FUBP3: variants seen among roughly 807,000 people sequenced by gnomAD.
FUBP3 encodes the protein far upstream element binding protein 3.
In FUBP3, 28 loss-of-function variants were observed where a neutral mutation model predicts 85.6. That is an observed-to-expected ratio of 0.33 (90% CI 0.24 to 0.45). The LOEUF (loss-of-function observed/expected upper bound fraction) is 0.45. Among genes scored for constraint, FUBP3 ranks in the 20% least tolerant of loss-of-function variants. The pLI is 1.00. For missense variants in FUBP3, 583 were observed against 755.1 expected, an observed-to-expected ratio of 0.77 and a Z score of 2.67; for synonymous variants, 271 against 271.4, an observed-to-expected ratio of 1.00 and a Z score of 0.01.
At chr9:130,617,972 C>T in intron 8 of FUBP3, 77 bp downstream of exon 8, 1 of 660,282 alleles carries the variant, frequency 1.5e-6, no homozygotes, top group Non-Finnish European at 2.7e-6. Context: ...CTTTTATCTT[C>T]CTCAAGTAAT....
chr9:130,593,367 C>T (rs1165504325), intron 1 of FUBP3, among the ~76,000 whole-genome samples: 3 of 152,208 alleles, frequency 2.0e-5, no homozygotes, highest in Non-Finnish European at 4.4e-5. Context: ...TCAAAAAGCC[C>T]ATCACACAGT....
chr9:130,604,536 A>C (rs1245841950), intron 2 of FUBP3, among the ~76,000 whole-genome samples: 1 of 152,170 alleles, frequency 6.6e-6, no homozygotes, highest in Non-Finnish European at 1.5e-5. Context: ...TCATCTGTAC[A>C]ATGGACCTGA....
At chr9:130,622,031 A>G (rs1191847067) in intron 9 of FUBP3, among the ~76,000 whole-genome samples, 3 of 151,886 alleles carry the variant, frequency 2.0e-5, no homozygotes, top group African/African-American at 7.3e-5. Context: ...TTAAAAAAAA[A>G]TGTGTCCTGG....
Position 130,637,085 on chromosome 9 carries a change from A to G in FUBP3, c.*63A>G. ...TTGTCAAAGAAAACCTATTTGTAAC[A>G]GAGGTTTTTACATTTGCAAACCTTT... On this transcript the variant is annotated 3_prime_UTR_variant, in exon 19 of 19. Transcript: ENST00000319725. 7.2e-7 allele frequency: 1 copy of G among 1,385,498 alleles called. No homozygotes were observed. Among genetic ancestry groups the G allele is most frequent in the Non-Finnish European group, 1.0e-6 (1 of 971,358 alleles). 85.8% of individuals were successfully genotyped at this position (1,385,498 alleles called of 1,614,324 possible). A position where few individuals can be genotyped will look rare whatever the true frequency, so the allele number is the denominator to read the frequency against.
intron 1 of FUBP3, among the ~76,000 whole-genome samples, chr9:130,592,987 T>C (rs574305902): frequency 8.5e-5 from 13 of 152,126 alleles, no homozygotes; most frequent in African/African-American, 2.7e-4. Context: ...TTGGAACATA[T>C]CTAGTTCCTT....
At chr9:130,594,217 CAGG>C (rs1030763063) in intron 1 of FUBP3, among the ~76,000 whole-genome samples, 1 of 152,126 alleles carries the variant, frequency 6.6e-6, no homozygotes, top group Non-Finnish European at 1.5e-5. Flanking sequence ...GAGACTGAGG[CAGG>C]AGGATTGCTT....
chr9:130,583,937 A>C (rs531397632), intron 1 of FUBP3, among the ~76,000 whole-genome samples: 1 of 152,022 alleles, frequency 6.6e-6, no homozygotes, highest in Admixed American at 6.6e-5. Context: ...GGGTCTCACT[A>C]TGTTGCCCAG....
chr9:130,596,739 T>C, intron 2 of FUBP3: 2 of 349,182 alleles, frequency 5.7e-6, no homozygotes, highest in Non-Finnish European at 1.2e-5. Context: ...TTAAGGTTCT[T>C]TTTAGTTAAC....
chr9:130,625,649 C>G lies in FUBP3; in HGVS notation c.976-715C>G, dbSNP rs747382821. Among the ~76,000 whole-genome samples the G allele has an allele frequency of 1.7e-3, 253 of 152,352 alleles. 2 individuals are homozygous for G. Among genetic ancestry groups the G allele is most frequent in the Non-Finnish European group, 2.2e-3 (151 of 68,038 alleles). On this transcript the variant is annotated intron_variant, in intron 11 of 18. Transcript: ENST00000319725. ...TTGCTGCTGTCTCAATGAAAGGGCT[C>G]TTCCTCTGTCCGCTGTTAGATTTAG... is the stretch of plus-strand genomic sequence containing the variant.
intron 3 of FUBP3, among the ~76,000 whole-genome samples, chr9:130,610,252 C>T (rs1447887283): frequency 6.6e-6 from 1 of 152,196 alleles, no homozygotes; most frequent in Non-Finnish European, 1.5e-5. Flanking sequence ...TACCAATGTA[C>T]ATTTAATTTA....
chr9:130,606,680 C>T (rs1046625146), intron 2 of FUBP3, among the ~76,000 whole-genome samples: 3 of 151,916 alleles, frequency 2.0e-5, no homozygotes, highest in Admixed American at 6.6e-5. Context: ...ATTAGCCGGG[C>T]GTAGTGGCGC....
At chr9:130,579,887 C>A in intron 1 of FUBP3, 123 bp downstream of exon 1, 2 of 565,172 alleles carry the variant, frequency 3.5e-6, no homozygotes, top group Non-Finnish European at 5.3e-6. Context: ...CGGGCCGGGC[C>A]GTTCCGTGGA....
At chr9:130,627,650 G>A (rs1830032386) in intron 12 of FUBP3, among the ~76,000 whole-genome samples, 1 of 152,216 alleles carries the variant, frequency 6.6e-6, no homozygotes, top group Non-Finnish European at 1.5e-5. Context: ...TGTGCGGGCT[G>A]GTGAGTGTTT....
chr9:130,590,928 A>T (rs1564191895), intron 1 of FUBP3, among the ~76,000 whole-genome samples: 4 of 151,426 alleles, frequency 2.6e-5, no homozygotes. Flanking sequence ...AATCTTCGAC[A>T]TACCATTTAC....
intron 16 of FUBP3, among the ~76,000 whole-genome samples, chr9:130,633,484 C>T (rs186645081): frequency 5.8e-4 from 88 of 152,338 alleles, no homozygotes; most frequent in Non-Finnish European, 1.1e-3. Flanking sequence ...TCAGGGGAAA[C>T]GGCCCCCTGG....
rs1292906274 is a variant in FUBP3, at chr9:130,635,685, T to TC, written c.1583-308dup. Among the ~76,000 whole-genome samples, 1 of 136,234 alleles carries TC rather than the reference T, an allele frequency of 7.3e-6. No individual in the cohort carries two copies. Among genetic ancestry groups the TC allele is most frequent in the Non-Finnish European group, 1.6e-5 (1 of 63,090 alleles). 89.4% of individuals were successfully genotyped at this position (136,234 alleles called of 152,430 possible). A position where few individuals can be genotyped will look rare whatever the true frequency, so the allele number is the denominator to read the frequency against. ...CTTCTCCCCCACCCCCACCCCAGGA[T>TC]CCCCCCTTCTCTGTCTGTCACAGGG... On this transcript the variant is annotated intron_variant, in intron 17 of 18. Coordinates refer to ENST00000319725, the MANE Select transcript of FUBP3 (RefSeq NM_003934.2). This position sits in a 1 kb window ranked among gnomAD's most constrained non-coding sequence, Gnocchi z 4.3.
intron 2 of FUBP3, among the ~76,000 whole-genome samples, chr9:130,604,705 T>C (rs1383036289): frequency 6.6e-6 from 1 of 152,206 alleles, no homozygotes; most frequent in East Asian, 1.9e-4. Context: ...GAAACCATCC[T>C]GGCCAACAAG....
At chr9:130,583,398 A>G (rs755578966) in intron 1 of FUBP3, among the ~76,000 whole-genome samples, 1 of 152,250 alleles carries the variant, frequency 6.6e-6, no homozygotes, top group South Asian at 2.1e-4. Context: ...CTGTACATCT[A>G]CCATTAAAAG....
rs1830396130 is a variant in FUBP3 at position 130,635,881 on chromosome 9, C to G, written c.1583-118C>G. 9.3e-7 allele frequency: 1 copy of G among 1,074,226 alleles called. No individual in the cohort carries two copies. Among genetic ancestry groups the G allele is most frequent in the Admixed American group, 2.2e-5 (1 of 45,904 alleles). The allele number at this position is 1,074,226 out of a possible 1,614,324, so 66.5% of individuals were successfully genotyped here. ...ACACCAGCCTCACCTCACTGCCTCCCAGACCTCCCTGCCTTCCAGCCGTCC... is the reference window on the plus strand; with the variant it reads ...ACACCAGCCTCACCTCACTGCCTCCGAGACCTCCCTGCCTTCCAGCCGTCC... On this transcript the variant is annotated intron_variant, in intron 17 of 18. Transcript: ENST00000319725. The surrounding 1 kb of genome is among the most constrained non-coding windows in gnomAD (Gnocchi z 4.3).
Sources: allele counts gnomAD v4.1 joint callset (sites outside exome capture counted in the v4.1 genomes callset), GRCh38; gene constraint gnomAD v4.1.1; non-coding constraint Gnocchi (gnomAD v3.1); transcripts MANE v1.5; gene names NCBI Gene and HGNC (gene_info 2026-07-23, HGNC 2026-07-21).